NDST4: variants seen among roughly 807,000 people sequenced by gnomAD.
The protein encoded by NDST4 is N-heparan sulfate sulfotransferase 4.
Under a neutral mutation model 100.8 loss-of-function variants are expected in NDST4, and 63 were observed. That is an observed-to-expected ratio of 0.62 (90% CI 0.51 to 0.77). The LOEUF (loss-of-function observed/expected upper bound fraction) is 0.77, where lower values mean the gene tolerates loss of function less well. Among genes scored for constraint, NDST4 ranks in the 30% least tolerant of loss-of-function variants. The pLI is 0.00. For synonymous variants in NDST4, 377 were observed against 361.8 expected (o/e 1.04, Z -0.48); for missense variants, 943 against 1,018.4 (o/e 0.93, Z 1.01).
intron 6 of NDST4, among the ~76,000 whole-genome samples, chr4:114,901,865 G>C (rs948615991): frequency 7.3e-5 from 11 of 150,972 alleles, no homozygotes; most frequent in Non-Finnish European, 1.0e-4. Flanking sequence ...GACTGTAATA[G>C]AGTTTCCAAT....
chr4:114,986,832 A>ATATATATATATTT, intron 2 of NDST4, among the ~76,000 whole-genome samples: 4 of 94,656 alleles, frequency 4.2e-5, no homozygotes, highest in Non-Finnish European at 6.5e-5. Context: ...ATATATATAT[A>ATATATATATATTT]TTTTAATATA....
Position 114,857,743 on chromosome 4 carries a change from C to T in NDST4, c.1720-4922G>A, listed in dbSNP as rs549820515. Among the ~76,000 whole-genome samples, 20 of 152,042 alleles carry T rather than the reference C, an allele frequency of 1.3e-4. No individual in the cohort carries two copies. In the South Asian group the frequency reaches 3.7e-3, roughly 28 times the overall value. On this transcript the variant is annotated intron_variant, in intron 7 of 13. Coordinates refer to ENST00000264363, the MANE Select transcript of NDST4 (RefSeq NM_022569.3). ...TTTGCTTTGTGGATAGACTTATAGCCAAAGGTAAGGATATGACAAACTAAT... is the reference window on the plus strand; with the variant it reads ...TTTGCTTTGTGGATAGACTTATAGCTAAAGGTAAGGATATGACAAACTAAT...
At chr4:115,061,610 T>C (rs1045106312) in intron 2 of NDST4, among the ~76,000 whole-genome samples, 2 of 137,588 alleles carry the variant, frequency 1.5e-5, no homozygotes, top group Admixed American at 7.1e-5. Context: ...ACATCACACA[T>C]TGGGGTCTGT....
chr4:115,061,392 G>C (rs1320019694), intron 2 of NDST4, among the ~76,000 whole-genome samples: 1 of 152,104 alleles, frequency 6.6e-6, no homozygotes, highest in Non-Finnish European at 1.5e-5. Context: ...ATCAGTGATA[G>C]GCTGGATAAA....
intron 6 of NDST4, among the ~76,000 whole-genome samples, chr4:114,904,338 A>T (rs73850739): frequency 0.02 from 3,083 of 152,052 alleles, 104 homozygotes; most frequent in African/African-American, 0.069. Context: ...AATGATAAGC[A>T]AGGTACAGAA....
chr4:114,920,495 G>C (rs902796903), intron 6 of NDST4, among the ~76,000 whole-genome samples: 8 of 152,068 alleles, frequency 5.3e-5, no homozygotes, highest in Admixed American at 3.3e-4. Context: ...GTAAGATTCT[G>C]TTACTTACAC....
intron 4 of NDST4, among the ~76,000 whole-genome samples, chr4:114,962,079 A>AG (rs1475972553): frequency 6.6e-6 from 1 of 152,110 alleles, no homozygotes; most frequent in African/African-American, 2.4e-5. Context: ...AGAATAAAGG[A>AG]GGAAAAAGTA....
chr4:115,064,479 G>A (rs546048850), intron 2 of NDST4, among the ~76,000 whole-genome samples: 1 of 152,156 alleles, frequency 6.6e-6, no homozygotes, highest in African/African-American at 2.4e-5. Context: ...AGGCACTCAT[G>A]TTGAAATTCT....
At chr4:114,945,208 C>CAAAAAAAAAAAAAAAAAAAAAAAAA (rs1173970826) in intron 4 of NDST4, among the ~76,000 whole-genome samples, 1 of 53,766 alleles carries the variant, frequency 1.9e-5, no homozygotes, top group Non-Finnish European at 3.3e-5. Flanking sequence ...AACTCCGTCT[C>CAAAAAAAAAAAAAAAAAAAAAAAAA]AAAAAAAAAA....
chr4:114,958,122 A>C (rs115048501), intron 4 of NDST4, among the ~76,000 whole-genome samples: 2,329 of 152,242 alleles, frequency 0.015, 53 homozygotes, highest in African/African-American at 0.052. Context: ...CCCACCTCAC[A>C]TTTCCCTTCC....
At chr4:114,850,589 T>A (rs1723654896) in intron 8 of NDST4, among the ~76,000 whole-genome samples, 1 of 152,134 alleles carries the variant, frequency 6.6e-6, no homozygotes, top group African/African-American at 2.4e-5. Flanking sequence ...TTCTTTAATA[T>A]AAATATTTCA....
chr4:115,017,670 A>C (rs756746289), intron 2 of NDST4, among the ~76,000 whole-genome samples: 7 of 152,052 alleles, frequency 4.6e-5, no homozygotes, highest in African/African-American at 1.2e-4. Context: ...TAAAACATTC[A>C]GATGATAAGA....
chr4:115,042,841 G>A (rs757720211), intron 2 of NDST4, among the ~76,000 whole-genome samples: 3 of 152,030 alleles, frequency 2.0e-5, no homozygotes, highest in Non-Finnish European at 2.9e-5. Flanking sequence ...ATGACACTTT[G>A]AGTGTCTTGG....
chr4:114,945,208 C>CAAAAAAAAAAA (rs1173970826), intron 4 of NDST4, among the ~76,000 whole-genome samples: 88 of 53,754 alleles, frequency 1.6e-3, no homozygotes, highest in Non-Finnish European at 2.4e-3. Flanking sequence ...AACTCCGTCT[C>CAAAAAAAAAAA]AAAAAAAAAA....
rs75370089 is a variant in NDST4 at position 115,113,103 on chromosome 4, T to C, written c.-247+341A>G. 7.3e-3 allele frequency among the ~76,000 whole-genome samples: 1,108 copies of C among 152,064 alleles called. 15 individuals are homozygous for C. Among genetic ancestry groups the C allele is most frequent in the African/African-American group, 0.026 (1,062 of 41,532 alleles). Reference sequence around the variant, plus strand: ...AACTTTGGATGTTGAGTTTGTAAAATTGGTGCTTTTAATATGAAAAGGCTA... The same window carrying C: ...AACTTTGGATGTTGAGTTTGTAAAACTGGTGCTTTTAATATGAAAAGGCTA... On this transcript the variant is annotated intron_variant, in intron 1 of 13. Coordinates refer to ENST00000264363, the MANE Select transcript of NDST4 (RefSeq NM_022569.3).
chr4:115,100,085 C>A (rs556665352), intron 1 of NDST4, among the ~76,000 whole-genome samples: 1 of 151,912 alleles, frequency 6.6e-6, no homozygotes, highest in East Asian at 1.9e-4. Context: ...TATATAATTC[C>A]ATTTATATGA....
Position 114,866,980 on chromosome 4 carries a change from T to A in NDST4, c.1719+3788A>T, listed in dbSNP as rs190318194. Among the ~76,000 whole-genome samples the A allele has an allele frequency of 1.2e-3, 177 of 152,308 alleles. 2 individuals carry two copies. The highest frequency in any genetic ancestry group is 3.9e-3 in the African/African-American group (164 of 41,576). On this transcript the variant is annotated intron_variant, in intron 7 of 13. Transcript: ENST00000264363. Reference sequence around the variant, plus strand: ...GATGATAATAGTATACTTGCTTTTTTAATTGTAAAACCACCATCTTGTGGT... The same window carrying A: ...GATGATAATAGTATACTTGCTTTTTAAATTGTAAAACCACCATCTTGTGGT...
chr4:114,827,818 A>G lies in NDST4; in HGVS notation c.2617T>C (p.Ter873GlnextTer13), dbSNP rs368900634. The G allele has an allele frequency of 9.3e-6, 15 of 1,610,540 alleles. No homozygotes were observed. The Admixed American group carries it at 1.8e-4, about 20-fold the overall frequency. Residue 873 changes from the stop codon to glutamine, a stop_lost, in exon 14 of 14, where the codon TAG becomes CAG. Coordinates refer to ENST00000264363, the MANE Select transcript of NDST4 (RefSeq NM_022569.3). ...AGGCTTAGTTCTTGTCTCCAGTGCT[A>G]TCTCACTTTCTGCAGTTCCTGTCTC... The part of the protein sequence containing the change: ...WLRQELQKVR[*>Q]
In NDST4 at chr4:114,906,873, G is replaced by C. The variant is rs73850741; in HGVS notation, c.1536+28333C>G. Among the ~76,000 whole-genome samples, 252 of 152,042 alleles carry C rather than the reference G, an allele frequency of 1.7e-3. 1 individual carries two copies. Among genetic ancestry groups the C allele is most frequent in the African/African-American group, 5.9e-3 (243 of 41,502 alleles). On this transcript the variant is annotated intron_variant, in intron 6 of 13. Transcript: ENST00000264363. ...TTATTTTTCACAATTAAGCCTGTTT[G>C]TCAAGATTGGACTCTTTTGCACATT...
Sources: gnomAD v4.1 joint callset for allele counts (sites outside exome capture counted in the v4.1 genomes callset) on GRCh38, gnomAD v4.1.1 for gene constraint, MANE v1.5 for transcripts, NCBI Gene and HGNC (gene_info 2026-07-23, HGNC 2026-07-21) for gene names.